GET4: variants seen among roughly 807,000 people sequenced by gnomAD.
GET4 encodes guided entry of tail-anchored proteins factor 4.
In GET4, 20 loss-of-function variants were observed where a neutral mutation model predicts 40.0. That is an observed-to-expected ratio of 0.50 (90% CI 0.35 to 0.73). GET4 has a LOEUF of 0.73. Among genes scored for constraint, GET4 ranks in the 30% least tolerant of loss-of-function variants. GET4 has a pLI of 0.01. For synonymous variants in GET4, 280 were observed against 194.6 expected (o/e 1.44, Z -3.65); for missense variants, 557 against 454.0 (o/e 1.23, Z -2.06).
At chr7:891,954 C>A (rs1033819216) in intron 5 of GET4, among the ~76,000 whole-genome samples, 10 of 152,198 alleles carry the variant, frequency 6.6e-5, no homozygotes, top group Non-Finnish European at 1.2e-4. Context: ...TGTTCTGGTG[C>A]GGGCCAGCGC....
intron 6 of GET4, among the ~76,000 whole-genome samples, chr7:893,485 TGA>T (rs1363534036): frequency 9.4e-6 from 1 of 105,904 alleles, no homozygotes. Flanking sequence ...TTTGTGCAGG[TGA>T]GTGTTGGGTG....
rs79250926 is a variant in GET4, at chr7:894,748, G to A, written c.896-586G>A. Among the ~76,000 whole-genome samples, 376 of 152,326 alleles carry A rather than the reference G, an allele frequency of 2.5e-3. 4 individuals carry two copies. The highest frequency in any genetic ancestry group is 7.5e-3 in the African/African-American group (313 of 41,572). On this transcript the variant is annotated intron_variant, in intron 8 of 8. Transcript: ENST00000265857. The stretch of plus-strand genomic sequence containing the variant: ...AAGAGAGGGTGACACTGCCACGGCC[G>A]TGTCTTTGTATTCAAAGAACACGGT...
intron 1 of GET4, chr7:883,717 C>T: frequency 1.0e-6 from 1 of 986,064 alleles, no homozygotes; most frequent in Non-Finnish European, 1.2e-6. Context: ...GCCCCCCACT[C>T]TCCCCGGCCT....
intron 6 of GET4, among the ~76,000 whole-genome samples, chr7:892,923 T>C (rs974037175): frequency 2.6e-5 from 4 of 151,004 alleles, no homozygotes; most frequent in Admixed American, 2.6e-4. Flanking sequence ...CAGGTGTGTG[T>C]ACTGGGTATA....
At chr7:893,660 GGC>G in intron 6 of GET4, 78 bp from the exon 7 acceptor site, 5 of 885,802 alleles carry the variant, frequency 5.6e-6, no homozygotes, top group South Asian at 1.4e-5. Context: ...GTGAGTGTTG[GGC>G]GCAGGCGCGG....
rs139757934 is a variant in GET4 at position 892,519 on chromosome 7, T to G, written c.746+101T>G. On this transcript the variant is annotated intron_variant, in intron 6 of 8. Transcript: ENST00000265857. ...GTGGGTGTGTGTGCAAGTGTAGCCA[T>G]GGTGTGGGTAGCCGTGTGGGTATAT... The G allele has an allele frequency of 1.7e-4, 220 of 1,317,760 alleles. 3 individuals are homozygous for G. In the East Asian group the frequency reaches 5.0e-3, roughly 30 times the overall value. 81.6% of individuals were successfully genotyped at this position (1,317,760 alleles called of 1,614,324 possible).
chr7:878,902 G>T (rs1055656098), intron 1 of GET4, among the ~76,000 whole-genome samples: 1 of 152,114 alleles, frequency 6.6e-6, no homozygotes, highest in Non-Finnish European at 1.5e-5. Flanking sequence ...TTTTAGAGCA[G>T]TTTTTGGTTT....
chr7:880,089 C>G (rs1844053524), intron 1 of GET4: 1 of 152,284 alleles, frequency 6.6e-6, no homozygotes. Flanking sequence ...TGCCTGTAAT[C>G]CCAACACTCT....
At chr7:894,986 T>A (rs1042662435) in intron 8 of GET4, among the ~76,000 whole-genome samples, 8 of 151,996 alleles carry the variant, frequency 5.3e-5, no homozygotes, top group African/African-American at 1.9e-4. Flanking sequence ...TCTCTTTCCG[T>A]GAGGTGGTGT....
rs1209880528 is a variant in GET4, at chr7:887,416, G to T, written c.363G>T (p.Glu121Asp). The change falls in exon 4 of 9, where the codon GAG becomes GAT. Residue 121 changes from glutamate (E) to aspartate (D), a missense_variant. Coordinates refer to ENST00000265857, the MANE Select transcript of GET4 (RefSeq NM_015949.3). ...VFSLMDPNSPERVTFVSRALK... is the reference protein window; with the variant it reads ...VFSLMDPNSPDRVTFVSRALK... ...GCCTGATGGACCCCAACTCTCCTGA[G>T]CGCGTGACCTTTGTGTCCAGAGCCC... 5.6e-6 allele frequency: 9 copies of T among 1,604,458 alleles called. No homozygotes were observed. The highest frequency in any genetic ancestry group is 2.2e-5 in the East Asian group (1 of 44,610).
At chr7:891,970 C>A (rs1005934503) in intron 5 of GET4, among the ~76,000 whole-genome samples, 1 of 152,212 alleles carries the variant, frequency 6.6e-6, no homozygotes, top group Non-Finnish European at 1.5e-5. Flanking sequence ...AGCGCCTGAC[C>A]GGTGCGGGCG....
Position 895,633 on chromosome 7 carries a change from T to C in GET4, c.*211T>C, listed in dbSNP as rs1844465634. 5 of 431,920 alleles carry C rather than the reference T, an allele frequency of 1.2e-5. No homozygotes were observed. In the East Asian group the frequency reaches 1.9e-4, roughly 16 times the overall value. 26.8% of individuals were successfully genotyped at this position (431,920 alleles called of 1,614,324 possible). A position where few individuals can be genotyped will look rare whatever the true frequency, so the allele number is the denominator to read the frequency against. ...GGACCCAAGAGTGGGGCGTCGCCCC[T>C]GCTGGCCGCCGCGTCCCCCGAGATT... On this transcript the variant is annotated 3_prime_UTR_variant, in exon 9 of 9. Transcript: ENST00000265857.
intron 8 of GET4, among the ~76,000 whole-genome samples, chr7:894,189 C>T (rs1844414038): frequency 6.6e-6 from 1 of 152,088 alleles, no homozygotes; most frequent in African/African-American, 2.4e-5. Context: ...CCAGAGCTCC[C>T]CATCCCTGAG....
chr7:893,282 G>C (rs568891564), intron 6 of GET4, among the ~76,000 whole-genome samples: 90 of 140,538 alleles, frequency 6.4e-4, no homozygotes, highest in Non-Finnish European at 1.2e-3. Context: ...GGTGTGTGCA[G>C]GTGAGTGTTG....
chr7:893,878 C>T (rs1583102495), intron 7 of GET4, 21 bp from the exon 8 acceptor site: 2 of 1,611,760 alleles, frequency 1.2e-6, no homozygotes, highest in African/African-American at 1.3e-5. Context: ...CCCCTCTGAG[C>T]CCGCTGCCTG....
intron 6 of GET4, among the ~76,000 whole-genome samples, chr7:893,302 G>A (rs1175400510): frequency 1.5e-3 from 188 of 127,884 alleles, no homozygotes; most frequent in Non-Finnish European, 2.5e-3. Flanking sequence ...GGGCGCGGGC[G>A]CGGTGGTGTG....
intron 6 of GET4, among the ~76,000 whole-genome samples, chr7:893,318 G>A (rs1184224050): frequency 2.2e-5 from 3 of 133,648 alleles, no homozygotes; most frequent in Non-Finnish European, 3.2e-5. Flanking sequence ...GTGTGTGCAG[G>A]TGAGTGTTGG....
Position 895,450 on chromosome 7 carries a change from G to T in GET4, c.*28G>T, listed in dbSNP as rs188842926. On this transcript the variant is annotated 3_prime_UTR_variant, in exon 9 of 9. Coordinates refer to ENST00000265857, the MANE Select transcript of GET4 (RefSeq NM_015949.3). ...TGGCCAGGCCACGTGGAGACACCAC[G>T]GTCGACGACGGCTGGAGGGACGTTT... is the stretch of plus-strand genomic sequence containing the variant. 3 of 1,202,076 alleles carry T rather than the reference G, an allele frequency of 2.5e-6. No homozygotes were observed. Among genetic ancestry groups the T allele is most frequent in the Non-Finnish European group, 1.2e-6 (1 of 815,382 alleles). The allele number at this position is 1,202,076 out of a possible 1,614,324, so 74.5% of individuals were successfully genotyped here.
intron 4 of GET4, 21 bp downstream of exon 4, chr7:887,540 G>A: frequency 1.3e-6 from 2 of 1,502,696 alleles, no homozygotes; most frequent in Non-Finnish European, 8.9e-7. Flanking sequence ...GGCCAGGGCA[G>A]GCGTGGGCAC....
Sources: allele counts gnomAD v4.1 joint callset (sites outside exome capture counted in the v4.1 genomes callset), GRCh38; gene constraint gnomAD v4.1.1; transcripts MANE v1.5; gene names NCBI Gene and HGNC (gene_info 2026-07-23, HGNC 2026-07-21).